DDX10: variants seen among roughly 807,000 people sequenced by gnomAD.
DDX10 encodes DEAD-box helicase 10.
Under a neutral mutation model 104.3 loss-of-function variants are expected in DDX10, and 74 were observed. The ratio of observed to expected loss-of-function variants is 0.71; its 90% CI spans 0.59 to 0.86. DDX10 has a LOEUF of 0.86. DDX10 is among the 40% of genes least tolerant of loss of function. The probability of loss-of-function intolerance (pLI) is 0.00; values close to 1 mark genes in which losing one functional copy is unlikely to be tolerated. For synonymous variants in DDX10, 351 were observed against 353.4 expected, an observed-to-expected ratio of 0.99 and a Z score of 0.08; for missense variants, 952 against 1,040.0, an observed-to-expected ratio of 0.92 and a Z score of 1.16.
chr11:108,881,608 A>G (rs1000344853), intron 16 of DDX10, among the ~76,000 whole-genome samples: 6 of 152,180 alleles, frequency 3.9e-5, no homozygotes, highest in African/African-American at 1.2e-4. Flanking sequence ...CACTTTCAGT[A>G]TTCAGTGAAT....
At chr11:108,778,298 A>G (rs887168905) in intron 13 of DDX10, among the ~76,000 whole-genome samples, 2 of 152,242 alleles carry the variant, frequency 1.3e-5, no homozygotes, top group Non-Finnish European at 2.9e-5. Flanking sequence ...AAACTATACT[A>G]CAAGGCTACA....
At chr11:108,791,837 G>A (rs545410790) in intron 13 of DDX10, among the ~76,000 whole-genome samples, 2 of 152,290 alleles carry the variant, frequency 1.3e-5, no homozygotes, top group African/African-American at 4.8e-5. Context: ...GATAGTTAGT[G>A]TTTAAATTTT....
intron 9 of DDX10, among the ~76,000 whole-genome samples, chr11:108,705,133 G>A (rs2094274047): frequency 6.6e-6 from 1 of 152,072 alleles, no homozygotes; most frequent in South Asian, 2.1e-4. Flanking sequence ...TACCTTTCTA[G>A]CAATCTTTCC....
intron 2 of DDX10, among the ~76,000 whole-genome samples, chr11:108,674,068 A>T (rs1467280603): frequency 6.6e-6 from 1 of 152,202 alleles, no homozygotes; most frequent in Non-Finnish European, 1.5e-5. Flanking sequence ...TCATGCCTGT[A>T]ATCCCAGTAC....
At chr11:108,776,036 T>G (rs2094369438) in intron 13 of DDX10, among the ~76,000 whole-genome samples, 1 of 152,200 alleles carries the variant, frequency 6.6e-6, no homozygotes, top group African/African-American at 2.4e-5. Flanking sequence ...CAGCAATATG[T>G]TTAGCTGTTC....
intron 13 of DDX10, among the ~76,000 whole-genome samples, chr11:108,811,604 C>CA (rs905458104): frequency 1.1e-4 from 16 of 151,248 alleles, no homozygotes; most frequent in Admixed American, 2.0e-4. Context: ...ATCTTTTTTT[C>CA]AAAAAAAATC....
chr11:108,749,131 ACCT>A (rs2134503460), intron 13 of DDX10, among the ~76,000 whole-genome samples: 1 of 150,332 alleles, frequency 6.7e-6, no homozygotes, highest in African/African-American at 2.4e-5. Context: ...CAATCTCCTG[ACCT>A]CCTGATCTGC....
chr11:108,668,666 G>A (rs937532788), intron 1 of DDX10, among the ~76,000 whole-genome samples: 6 of 152,078 alleles, frequency 3.9e-5, no homozygotes, highest in Admixed American at 2.0e-4. Context: ...ATTTGATTCC[G>A]AAACCTTTTA....
intron 13 of DDX10, among the ~76,000 whole-genome samples, chr11:108,838,201 G>A (rs1015335418): frequency 1.3e-5 from 2 of 152,100 alleles, no homozygotes; most frequent in African/African-American, 4.8e-5. Flanking sequence ...TCTAGTAATA[G>A]AGAAAATGTA....
At chr11:108,877,398 G>C (rs900403756) in intron 16 of DDX10, among the ~76,000 whole-genome samples, 2 of 152,062 alleles carry the variant, frequency 1.3e-5, no homozygotes, top group Non-Finnish European at 2.9e-5. Flanking sequence ...TTTGGTTATA[G>C]ACAGCACGAG....
At chr11:108,738,677 A>G (rs889165845) in intron 13 of DDX10, among the ~76,000 whole-genome samples, 1 of 152,156 alleles carries the variant, frequency 6.6e-6, no homozygotes, top group Non-Finnish European at 1.5e-5. Context: ...CTGTTTTATG[A>G]CAGAAATTTC....
intron 16 of DDX10, among the ~76,000 whole-genome samples, chr11:108,915,552 T>A (rs1203598362): frequency 6.6e-6 from 1 of 152,012 alleles, no homozygotes; most frequent in Non-Finnish European, 1.5e-5. Flanking sequence ...GAGATCTGCA[T>A]AATCTATGTA....
At chr11:108,820,025 A>G (rs1862305580) in intron 13 of DDX10, among the ~76,000 whole-genome samples, 1 of 152,238 alleles carries the variant, frequency 6.6e-6, no homozygotes, top group South Asian at 2.1e-4. Flanking sequence ...AGAAGAGTAC[A>G]GCTTCAAAGC....
intron 16 of DDX10, among the ~76,000 whole-genome samples, chr11:108,900,442 C>T (rs1863503014): frequency 6.6e-6 from 1 of 152,188 alleles, no homozygotes; most frequent in Non-Finnish European, 1.5e-5. Flanking sequence ...TTCTAAAATA[C>T]TTAAAGTCCT....
chr11:108,779,953 T>C (rs370760365), intron 13 of DDX10, among the ~76,000 whole-genome samples: 2 of 152,356 alleles, frequency 1.3e-5, no homozygotes, highest in East Asian at 3.9e-4. Context: ...CCTTCCGTTA[T>C]GCTACTTAAC....
intron 13 of DDX10, among the ~76,000 whole-genome samples, chr11:108,777,124 C>A (rs759378771): frequency 2.0e-5 from 3 of 152,180 alleles, no homozygotes; most frequent in Admixed American, 6.5e-5. Flanking sequence ...GCATGATTTC[C>A]TTCTTTCCTA....
intron 6 of DDX10, 25 bp downstream of exon 6, chr11:108,679,585 G>T: frequency 6.7e-7 from 1 of 1,497,682 alleles, no homozygotes; most frequent in Non-Finnish European, 9.0e-7. Flanking sequence ...AGTCAATCAA[G>T]ATAAATGTTT....
intron 13 of DDX10, among the ~76,000 whole-genome samples, chr11:108,734,817 TG>T (rs2094316450): frequency 1.3e-5 from 2 of 152,336 alleles, no homozygotes; most frequent in Admixed American, 1.3e-4. Context: ...CCTTTGAACT[TG>T]TTATATGATT....
chr11:108,927,632 G>C (rs984727452), intron 17 of DDX10, among the ~76,000 whole-genome samples: 5 of 125,952 alleles, frequency 4.0e-5, no homozygotes, highest in Non-Finnish European at 5.3e-5. Context: ...ACAGCACTTG[G>C]AACTTTTTTT....
Sources: gnomAD v4.1 joint callset for allele counts (sites outside exome capture counted in the v4.1 genomes callset) on GRCh38, gnomAD v4.1.1 for gene constraint, MANE v1.5 for transcripts, NCBI Gene and HGNC (gene_info 2026-07-23, HGNC 2026-07-21) for gene names.